TMEM132C: variants seen among roughly 807,000 people sequenced by gnomAD.
TMEM132C encodes the protein transmembrane protein 132C.
TMEM132C carries 29 observed loss-of-function variants against 61.4 expected under a neutral mutation model. That is an observed-to-expected ratio of 0.47 (90% CI 0.35 to 0.64). TMEM132C has a LOEUF of 0.64. TMEM132C is among the 30% of genes least tolerant of loss of function. The probability of loss-of-function intolerance (pLI) is 0.00; values close to 1 mark genes in which losing one functional copy is unlikely to be tolerated. For missense variants in TMEM132C, 1,408 were observed against 1,476.9 expected (o/e 0.95, Z 0.76); for synonymous variants, 656 against 633.1 (o/e 1.04, Z -0.54).
intron 1 of TMEM132C, among the ~76,000 whole-genome samples, chr12:128,400,641 C>G (rs1593040088): frequency 1.3e-5 from 2 of 149,286 alleles, no homozygotes; most frequent in African/African-American, 5.0e-5. Context: ...TGGAGTCTCG[C>G]TCTGTTGCCC....
intron 2 of TMEM132C, among the ~76,000 whole-genome samples, chr12:128,473,451 C>T (rs192748278): frequency 6.6e-6 from 1 of 151,812 alleles, no homozygotes; most frequent in African/African-American, 2.4e-5. Flanking sequence ...TCTTTATCCT[C>T]ACGCCAGCCT....
Position 128,697,413 on chromosome 12 carries a change from C to G in TMEM132C, c.2119C>G (p.Gln707Glu). ...TGAGGAGGTGCTGCGGACCCCCAAA[C>G]AGGTAGGGGGCCAAATGCCAGAGGT... ...TAEEVLRTPK[Q>E]EAVFSTWLQF... is the part of the protein sequence containing the mutation. The change falls in exon 8 of 9, where the codon CAG (glutamine) becomes GAG (glutamate). Residue 707 changes from glutamine (Q) to glutamate (E), a missense_variant and splice_region_variant. Physicochemically the swap from Gln to Glu is conservative, Grantham distance 29. Transcript: ENST00000435159. 1 of 1,532,750 alleles carries G rather than the reference C, an allele frequency of 6.5e-7. No homozygotes were observed. Among genetic ancestry groups the G allele is most frequent in the Non-Finnish European group, 8.8e-7 (1 of 1,132,682 alleles). 94.9% of individuals were successfully genotyped at this position (1,532,750 alleles called of 1,614,324 possible).
chr12:128,635,817 C>T (rs1199755977), intron 4 of TMEM132C, among the ~76,000 whole-genome samples: 1 of 152,312 alleles, frequency 6.6e-6, no homozygotes, highest in Non-Finnish European at 1.5e-5. Flanking sequence ...CCCAACATGC[C>T]AGCTCCCTGC....
intron 1 of TMEM132C, among the ~76,000 whole-genome samples, chr12:128,315,880 C>T (rs1344616391): frequency 1.3e-5 from 2 of 151,774 alleles, no homozygotes; most frequent in Non-Finnish European, 2.9e-5. Flanking sequence ...CAAGCACAGC[C>T]GGAGCCATCC....
Position 128,664,458 on chromosome 12 carries a change from G to A in TMEM132C, c.1306-4959G>A, listed in dbSNP as rs12582934. ...ACAGAACAGTTCTCTGATTTATGAC[G>A]GAGGTGGGTGGAGGGCTTCAGAGCA... On this transcript the variant is annotated intron_variant, in intron 4 of 8. Coordinates refer to ENST00000435159, the MANE Select transcript of TMEM132C (RefSeq NM_001136103.3). Among the ~76,000 whole-genome samples the A allele has an allele frequency of 5.6e-4, 86 of 152,256 alleles. 1 individual carries two copies. In the East Asian group the frequency reaches 0.014, roughly 26 times the overall value.
chr12:128,454,393 A>G (rs1358427703), intron 2 of TMEM132C, among the ~76,000 whole-genome samples: 1 of 152,182 alleles, frequency 6.6e-6, no homozygotes, highest in Non-Finnish European at 1.5e-5. Context: ...TTTCTCACCT[A>G]TCCCTATACT....
intron 1 of TMEM132C, among the ~76,000 whole-genome samples, chr12:128,312,741 T>C (rs574660276): frequency 6.6e-6 from 1 of 152,274 alleles, no homozygotes; most frequent in African/African-American, 2.4e-5. Context: ...ATTTCAGACT[T>C]CTGGCCTCTA....
chr12:128,334,240 A>G (rs1872736666), intron 1 of TMEM132C, among the ~76,000 whole-genome samples: 1 of 152,178 alleles, frequency 6.6e-6, no homozygotes, highest in South Asian at 2.1e-4. Context: ...TAAGTACTAA[A>G]ATATTGAAAT....
At chr12:128,591,711 T>A (rs1470500418) in intron 3 of TMEM132C, among the ~76,000 whole-genome samples, 1 of 152,138 alleles carries the variant, frequency 6.6e-6, no homozygotes, top group East Asian at 1.9e-4. Flanking sequence ...CCCACCAGCC[T>A]GCCCCATTTG....
intron 2 of TMEM132C, among the ~76,000 whole-genome samples, chr12:128,453,079 G>A (rs1870229687): frequency 6.6e-6 from 1 of 152,184 alleles, no homozygotes; most frequent in South Asian, 2.1e-4. Context: ...AATAACTGAA[G>A]AAGGAAATGG....
At chr12:128,491,796 T>C (rs980865361) in intron 2 of TMEM132C, among the ~76,000 whole-genome samples, 1 of 151,618 alleles carries the variant, frequency 6.6e-6, no homozygotes, top group Non-Finnish European at 1.5e-5. Context: ...GGAGTCTGCT[T>C]ACCCCACTGT....
At chr12:128,622,463 C>T (rs1953978148) in intron 4 of TMEM132C, among the ~76,000 whole-genome samples, 1 of 142,362 alleles carries the variant, frequency 7.0e-6, no homozygotes, top group South Asian at 2.3e-4. Context: ...TGGAAGGGAG[C>T]CGTTAAGACA....
At chr12:128,604,508 C>A (rs1287658488) in intron 3 of TMEM132C, among the ~76,000 whole-genome samples, 3 of 139,814 alleles carry the variant, frequency 2.1e-5, no homozygotes, top group African/African-American at 2.7e-5. Flanking sequence ...AGACAGATGG[C>A]TAGATAGATA....
chr12:128,280,969 T>C (rs73154707), intron 1 of TMEM132C, among the ~76,000 whole-genome samples: 15,636 of 152,160 alleles, frequency 0.1, 937 homozygotes, highest in South Asian at 0.16. Context: ...GTTACCCACA[T>C]TTGAGACCAG....
chr12:128,497,707 C>T (rs1042527067), intron 2 of TMEM132C, among the ~76,000 whole-genome samples: 2 of 152,100 alleles, frequency 1.3e-5, no homozygotes, highest in African/African-American at 2.4e-5. Context: ...GAGAGTGACC[C>T]GATTTTCCAG....
intron 1 of TMEM132C, among the ~76,000 whole-genome samples, chr12:128,322,002 G>A (rs1872350446): frequency 6.6e-6 from 1 of 152,200 alleles, no homozygotes. Flanking sequence ...AATGACCATA[G>A]TGATATTACC....
chr12:128,270,475 C>T (rs749486678), intron 1 of TMEM132C, among the ~76,000 whole-genome samples: 3 of 152,106 alleles, frequency 2.0e-5, no homozygotes, highest in Non-Finnish European at 4.4e-5. Flanking sequence ...GTGTTGGCCA[C>T]GGAATGAATT....
At position 128,705,089 on chromosome 12, in the gene TMEM132C, G is replaced by C. The variant is rs1437328439; in HGVS notation, c.2122-1G>C. On this transcript the variant is annotated splice_acceptor_variant, in intron 8 of 8. Transcript: ENST00000435159. LOFTEE classifies it high-confidence loss of function. ...TCTTCTAACTGCCTGTGTCCCTGCA[G>C]GAGGCTGTATTCAGCACGTGGCTGC... The C allele has an allele frequency of 6.6e-7, 1 of 1,524,718 alleles. No homozygotes were observed. The highest frequency in any genetic ancestry group is 8.9e-7 in the Non-Finnish European group (1 of 1,128,394). The allele number at this position is 1,524,718 out of a possible 1,614,324, so 94.4% of individuals were successfully genotyped here. A position where few individuals can be genotyped will look rare whatever the true frequency, so the allele number is the denominator to read the frequency against.
intron 1 of TMEM132C, among the ~76,000 whole-genome samples, chr12:128,277,178 A>C (rs1870722120): frequency 6.6e-6 from 1 of 152,204 alleles, no homozygotes; most frequent in Admixed American, 6.5e-5. Context: ...CAAATGCCAA[A>C]ACTCCCAGCT....
Sources: gnomAD v4.1 joint callset for allele counts (sites outside exome capture counted in the v4.1 genomes callset) on GRCh38, gnomAD v4.1.1 for gene constraint, MANE v1.5 for transcripts, NCBI Gene and HGNC (gene_info 2026-07-23, HGNC 2026-07-21) for gene names.